HTR2A: variants seen among roughly 807,000 people sequenced by gnomAD.
The protein encoded by HTR2A is 5-hydroxytryptamine receptor 2A.
In HTR2A, 14 loss-of-function variants were observed where a neutral mutation model predicts 31.0. The observed-to-expected ratio is 0.45, with a 90% CI of 0.30 to 0.71. The LOEUF (loss-of-function observed/expected upper bound fraction) is 0.71, where lower values mean the gene tolerates loss of function less well. Ranked by LOEUF, HTR2A falls within the 30% of genes least tolerant of loss-of-function variation. The probability of loss-of-function intolerance (pLI) is 0.09; values close to 1 mark genes in which losing one functional copy is unlikely to be tolerated. For synonymous variants in HTR2A, 209 were observed against 225.2 expected (o/e 0.93, Z 0.64); for missense variants, 442 against 573.3 (o/e 0.77, Z 2.34).
chr13:46,838,271 C>T (rs1449680729), intron 3 of HTR2A, among the ~76,000 whole-genome samples: 3 of 152,168 alleles, frequency 2.0e-5, no homozygotes, highest in African/African-American at 7.2e-5. Context: ...GGATTTGAGT[C>T]TTGGCTGTGG....
intron 3 of HTR2A, among the ~76,000 whole-genome samples, chr13:46,879,147 G>A (rs986441059): frequency 6.6e-6 from 1 of 152,204 alleles, no homozygotes; most frequent in African/African-American, 2.4e-5. Flanking sequence ...GCTTTGCTTG[G>A]CAGTGCTCCT....
chr13:46,874,015 AG>A (rs1214947298), intron 3 of HTR2A, among the ~76,000 whole-genome samples: 1 of 152,226 alleles, frequency 6.6e-6, no homozygotes, highest in East Asian at 1.9e-4. Context: ...AAATGTAAAC[AG>A]TCAGAAATGA....
At chr13:46,890,408 T>C (rs934581894) in intron 3 of HTR2A, among the ~76,000 whole-genome samples, 6 of 152,224 alleles carry the variant, frequency 3.9e-5, no homozygotes, top group African/African-American at 1.4e-4. Flanking sequence ...CATTCCAGCC[T>C]GCCTGCCTCC....
intron 3 of HTR2A, among the ~76,000 whole-genome samples, chr13:46,874,355 C>T (rs886382943): frequency 2.0e-5 from 3 of 152,164 alleles, no homozygotes; most frequent in Non-Finnish European, 4.4e-5. Context: ...AATGACTTTG[C>T]TATCAGGGAA....
At chr13:46,881,832 A>G (rs568271447) in intron 3 of HTR2A, among the ~76,000 whole-genome samples, 1 of 152,324 alleles carries the variant, frequency 6.6e-6, no homozygotes, top group South Asian at 2.1e-4. Context: ...CCTCCAGTGT[A>G]AAGGCTGACA....
At chr13:46,867,848 C>T (rs1263036605) in intron 3 of HTR2A, among the ~76,000 whole-genome samples, 1 of 152,160 alleles carries the variant, frequency 6.6e-6, no homozygotes, top group African/African-American at 2.4e-5. Context: ...AATGTGTTAG[C>T]CTGCAACTAG....
intron 3 of HTR2A, among the ~76,000 whole-genome samples, chr13:46,855,279 T>C (rs960096657): frequency 6.6e-6 from 1 of 152,184 alleles, no homozygotes; most frequent in Admixed American, 6.5e-5. Context: ...CCAGGAGAAG[T>C]GATACTATAG....
At chr13:46,871,759 G>C (rs183194255) in intron 3 of HTR2A, among the ~76,000 whole-genome samples, 124 of 152,278 alleles carry the variant, frequency 8.1e-4, no homozygotes, top group Admixed American at 4.5e-3. Context: ...TGGCTCTGCG[G>C]GTCATGTGGA....
intron 3 of HTR2A, among the ~76,000 whole-genome samples, chr13:46,845,656 A>G (rs918097118): frequency 6.6e-6 from 1 of 151,124 alleles, no homozygotes; most frequent in Non-Finnish European, 1.5e-5. Context: ...AAAAAAAAAA[A>G]AAAAGAAAAA....
chr13:46,880,583 A>T lies in HTR2A; in HGVS notation c.613+11807T>A, dbSNP rs1182988734. Among the ~76,000 whole-genome samples the T allele has an allele frequency of 2.0e-5, 3 of 152,136 alleles. No homozygotes were observed. In the East Asian group the frequency reaches 5.8e-4, roughly 29 times the overall value. On this transcript the variant is annotated intron_variant, in intron 3 of 3. Coordinates refer to ENST00000542664, the MANE Select transcript of HTR2A (RefSeq NM_000621.5). ...ACCGGGCATGGTGGCTCACACCTAT[A>T]ATCCCTGCACTTTGGGAGGCCGAGG...
chr13:46,836,740 G>A (rs1876464775), intron 3 of HTR2A, among the ~76,000 whole-genome samples: 1 of 151,972 alleles, frequency 6.6e-6, no homozygotes, highest in Non-Finnish European at 1.5e-5. Context: ...GCAAATCCTA[G>A]ACATCATGTC....
At chr13:46,844,617 C>G (rs1950606157) in intron 3 of HTR2A, among the ~76,000 whole-genome samples, 1 of 152,170 alleles carries the variant, frequency 6.6e-6, no homozygotes, top group Admixed American at 6.5e-5. Context: ...TGTTCTGACT[C>G]ATATCCTGGA....
intron 3 of HTR2A, among the ~76,000 whole-genome samples, chr13:46,847,399 T>G (rs1342200918): frequency 6.6e-6 from 1 of 152,200 alleles, no homozygotes; most frequent in Non-Finnish European, 1.5e-5. Flanking sequence ...ATAGCTATCA[T>G]CTCAAATGCT....
At position 46,885,059 on chromosome 13, in the gene HTR2A, T is replaced by C. The variant is rs185882226; in HGVS notation, c.613+7331A>G. Among the ~76,000 whole-genome samples, 1,173 of 152,236 alleles carry C rather than the reference T, an allele frequency of 7.7e-3. 6 individuals carry two copies. The highest frequency in any genetic ancestry group is 0.011 in the Non-Finnish European group (743 of 68,022). On this transcript the variant is annotated intron_variant, in intron 3 of 3. Transcript: ENST00000542664. ...AAACTTGATATAGACTGTTTTTTTT[T>C]CCTGTATATGCGTACCTATGATAAA...
chr13:46,890,133 C>A (rs9316236), intron 3 of HTR2A, among the ~76,000 whole-genome samples: 1 of 151,988 alleles, frequency 6.6e-6, no homozygotes, highest in Non-Finnish European at 1.5e-5. Flanking sequence ...CACCTGAGGT[C>A]GGGAGTTCGA....
At chr13:46,859,427 G>A (rs528965675) in intron 3 of HTR2A, among the ~76,000 whole-genome samples, 128 of 152,178 alleles carry the variant, frequency 8.4e-4, no homozygotes, top group Non-Finnish European at 1.6e-3. Flanking sequence ...ATGATTATAA[G>A]GTCCTTCAGG....
intron 2 of HTR2A, among the ~76,000 whole-genome samples, chr13:46,893,492 C>A (rs1951071842): frequency 6.6e-6 from 1 of 152,198 alleles, no homozygotes; most frequent in South Asian, 2.1e-4. Flanking sequence ...TCAGTATCAG[C>A]TGGAGAGCTT....
chr13:46,839,087 C>T (rs1950580353), intron 3 of HTR2A, among the ~76,000 whole-genome samples: 1 of 151,720 alleles, frequency 6.6e-6, no homozygotes, highest in South Asian at 2.1e-4. Flanking sequence ...TCTTAAATGC[C>T]CGGGATAAAA....
intron 3 of HTR2A, among the ~76,000 whole-genome samples, chr13:46,879,062 A>G (rs4942584): frequency 0.41 from 62,369 of 152,120 alleles, 13,135 homozygotes; most frequent in East Asian, 0.66. Flanking sequence ...AGGAAACTGC[A>G]TGAAATGCAG....
Sources: allele counts gnomAD v4.1 joint callset (sites outside exome capture counted in the v4.1 genomes callset), GRCh38; gene constraint gnomAD v4.1.1; transcripts MANE v1.5; gene names NCBI Gene and HGNC (gene_info 2026-07-23, HGNC 2026-07-21).